Variants in NBEA observed in about 807,000 individuals in gnomAD.
NBEA encodes the protein lysosomal-trafficking regulator 2.
Under a neutral mutation model 343.4 loss-of-function variants are expected in NBEA, and 44 were observed. That is an observed-to-expected ratio of 0.13 (90% CI 0.10 to 0.16). NBEA has a LOEUF of 0.16. Ranked by LOEUF, NBEA falls within the 10% of genes least tolerant of loss-of-function variation. The probability of loss-of-function intolerance (pLI) is 1.00; values close to 1 mark genes in which losing one functional copy is unlikely to be tolerated. For missense variants in NBEA, 2,555 were observed against 3,631.3 expected (o/e 0.70, Z 7.62); for synonymous variants, 1,175 against 1,238.7 (o/e 0.95, Z 1.08).
chr13:35,237,758 A>G (rs917389555), intron 34 of NBEA, among the ~76,000 whole-genome samples: 2 of 152,230 alleles, frequency 1.3e-5, no homozygotes, highest in Non-Finnish European at 2.9e-5. Context: ...CATAAAGTAT[A>G]TTTGAATTGC....
chr13:35,298,256 C>CTTCTTT (rs1295607244), intron 35 of NBEA, among the ~76,000 whole-genome samples: 3 of 78,140 alleles, frequency 3.8e-5, no homozygotes, highest in African/African-American at 1.4e-4. Flanking sequence ...TATGTATATG[C>CTTCTTT]TTCTTTTTTT....
At chr13:35,463,498 G>T (rs2047015650) in intron 40 of NBEA, among the ~76,000 whole-genome samples, 1 of 152,014 alleles carries the variant, frequency 6.6e-6, no homozygotes, top group African/African-American at 2.4e-5. Flanking sequence ...GGTGGTGCGA[G>T]TCTGTGGTCC....
At chr13:35,361,763 G>GA (rs999071624) in intron 38 of NBEA, among the ~76,000 whole-genome samples, 1 of 151,884 alleles carries the variant, frequency 6.6e-6, no homozygotes, top group Non-Finnish European at 1.5e-5. Flanking sequence ...CATAGACTGG[G>GA]AAAAAATACT....
At chr13:35,102,686 G>T (rs972940215) in intron 11 of NBEA, among the ~76,000 whole-genome samples, 1 of 151,676 alleles carries the variant, frequency 6.6e-6, no homozygotes, top group Non-Finnish European at 1.5e-5. Flanking sequence ...TAAAAGTTTT[G>T]ATTTTTGTTA....
chr13:35,543,977 A>T (rs867088104), intron 41 of NBEA, among the ~76,000 whole-genome samples: 1 of 152,118 alleles, frequency 6.6e-6, no homozygotes, highest in Non-Finnish European at 1.5e-5. Context: ...CTGACAGTTT[A>T]AAAAGAGCAT....
intron 38 of NBEA, among the ~76,000 whole-genome samples, chr13:35,420,292 GC>G (rs2044189738): frequency 6.6e-6 from 1 of 151,970 alleles, no homozygotes; most frequent in Admixed American, 6.6e-5. Context: ...TGAAGAAATT[GC>G]CTTTTATTCC....
Position 35,651,800 on chromosome 13 carries a change from T to C in NBEA, c.7964-5T>C. 6.6e-7 allele frequency: 1 copy of C among 1,522,256 alleles called. No individual in the cohort carries two copies. The highest frequency in any genetic ancestry group is 8.9e-7 in the Non-Finnish European group (1 of 1,120,112). The allele number at this position is 1,522,256 out of a possible 1,614,324, so 94.3% of individuals were successfully genotyped here. A position where few individuals can be genotyped will look rare whatever the true frequency, so the allele number is the denominator to read the frequency against. ...TTAGTTTTTCTCTCTTTTTTTAATC[T>C]TTAGGCCTCAGAGGAGCTCCAGGAT... On this transcript the variant is annotated splice_region_variant and splice_polypyrimidine_tract_variant and intron_variant, in intron 52 of 58. Transcript: ENST00000379939.
intron 34 of NBEA, among the ~76,000 whole-genome samples, chr13:35,243,765 C>G (rs531828588): frequency 1.3e-5 from 2 of 151,944 alleles, no homozygotes; most frequent in Admixed American, 1.3e-4. Flanking sequence ...CAAATATTGA[C>G]AGACTTGAAG....
At chr13:35,263,681 A>G (rs1172094009) in intron 34 of NBEA, among the ~76,000 whole-genome samples, 1 of 152,116 alleles carries the variant, frequency 6.6e-6, no homozygotes, top group Admixed American at 6.6e-5. Flanking sequence ...CTAAACAACT[A>G]ATGGGTCAAA....
At chr13:35,470,935 T>C (rs989580204) in intron 40 of NBEA, among the ~76,000 whole-genome samples, 1 of 152,170 alleles carries the variant, frequency 6.6e-6, no homozygotes. Flanking sequence ...GCCTCTCCCT[T>C]TCCAAAGAAA....
intron 38 of NBEA, among the ~76,000 whole-genome samples, chr13:35,401,999 A>T (rs2043024072): frequency 6.6e-6 from 1 of 151,966 alleles, no homozygotes; most frequent in Non-Finnish European, 1.5e-5. Context: ...GTTTTTATTA[A>T]CATGTTATCG....
In NBEA at chr13:35,212,653, A is replaced by G. The variant is rs1203465023; in HGVS notation, c.5648+1474A>G. On this transcript the variant is annotated intron_variant, in intron 33 of 58. Transcript: ENST00000379939. ...TACTAGTTTACTAACTCAGCAGCTGATTATGAGAGGTCTTGTTGCTTCATA... is the reference window on the plus strand; with the variant it reads ...TACTAGTTTACTAACTCAGCAGCTGGTTATGAGAGGTCTTGTTGCTTCATA... Among the ~76,000 whole-genome samples the G allele has an allele frequency of 5.9e-5, 9 of 152,142 alleles. No individual in the cohort carries two copies. In the East Asian group the frequency reaches 1.7e-3, roughly 29 times the overall value.
intron 27 of NBEA, among the ~76,000 whole-genome samples, chr13:35,176,785 G>C (rs2070931438): frequency 6.6e-6 from 1 of 151,852 alleles, no homozygotes; most frequent in Admixed American, 6.6e-5. Context: ...AGTGGTAGCT[G>C]TGCCAATAAA....
chr13:35,517,437 C>G (rs1051122499), intron 41 of NBEA, among the ~76,000 whole-genome samples: 1 of 152,188 alleles, frequency 6.6e-6, no homozygotes, highest in Non-Finnish European at 1.5e-5. Flanking sequence ...TTATCTCAAC[C>G]AAGCTCATAA....
intron 36 of NBEA, among the ~76,000 whole-genome samples, chr13:35,314,242 A>T (rs2037565009): frequency 1.3e-5 from 2 of 152,176 alleles, no homozygotes; most frequent in South Asian, 4.1e-4. Flanking sequence ...AATACTGAAA[A>T]TAGCGATTGT....
intron 46 of NBEA, among the ~76,000 whole-genome samples, chr13:35,589,890 G>C (rs2081451729): frequency 6.6e-6 from 1 of 152,096 alleles, no homozygotes; most frequent in African/African-American, 2.4e-5. Flanking sequence ...GGAGAAGAAA[G>C]TCTGCCATTG....
intron 39 of NBEA, among the ~76,000 whole-genome samples, chr13:35,448,467 T>A (rs988637760): frequency 1.3e-5 from 2 of 152,294 alleles, no homozygotes; most frequent in African/African-American, 4.8e-5. Context: ...ACTGAGATTC[T>A]GAGATACCCT....
intron 7 of NBEA, among the ~76,000 whole-genome samples, chr13:35,056,949 G>T (rs1310116605): frequency 6.6e-6 from 1 of 152,078 alleles, no homozygotes; most frequent in Admixed American, 6.6e-5. Flanking sequence ...AAAACAAAGA[G>T]ACTTTATTAG....
intron 34 of NBEA, among the ~76,000 whole-genome samples, chr13:35,243,495 CAACTATGTG>C (rs1349004583): frequency 6.6e-6 from 1 of 151,704 alleles, no homozygotes; most frequent in Non-Finnish European, 1.5e-5. Flanking sequence ...AATCAGGAAC[CAACTATGTG>C]CTGTCTTTAA....
Sources: gnomAD v4.1 joint callset for allele counts (sites outside exome capture counted in the v4.1 genomes callset) on GRCh38, gnomAD v4.1.1 for gene constraint, MANE v1.5 for transcripts, NCBI Gene and HGNC (gene_info 2026-07-23, HGNC 2026-07-21) for gene names.